The following PTPRO variants were observed in gnomAD, a reference collection of about 807,000 sequenced individuals.
PTPRO encodes the protein protein tyrosine phosphatase receptor type O.
PTPRO carries 62 observed loss-of-function variants against 145.2 expected under a neutral mutation model. The observed-to-expected ratio is 0.43, with a 90% confidence interval of 0.35 to 0.53. PTPRO has a LOEUF of 0.53. Ranked by LOEUF, PTPRO falls within the 20% of genes least tolerant of loss-of-function variation. The probability of loss-of-function intolerance (pLI) is 0.01; values close to 1 mark genes in which losing one functional copy is unlikely to be tolerated. For missense variants in PTPRO, 1,345 were observed against 1,482.7 expected (o/e 0.91, Z 1.53); for synonymous variants, 565 against 514.7 (o/e 1.10, Z -1.32).
chr12:15,400,946 A>C (rs904265060), intron 1 of PTPRO, among the ~76,000 whole-genome samples: 1 of 152,250 alleles, frequency 6.6e-6, no homozygotes, highest in African/African-American at 2.4e-5. Context: ...TAGCTTGGGT[A>C]ATGATAGGGA....
intron 1 of PTPRO, among the ~76,000 whole-genome samples, chr12:15,378,491 C>T (rs990567893): frequency 6.6e-6 from 1 of 151,874 alleles, no homozygotes; most frequent in African/African-American, 2.4e-5. Flanking sequence ...CCGAAGGTAA[C>T]TAAACAATAA....
chr12:15,497,262 A>G lies in PTPRO; in HGVS notation c.367A>G (p.Ser123Gly). The change falls in exon 3 of 27, where the codon AGT (serine) becomes GGT (glycine). Residue 123 changes from serine to glycine, a missense_variant. Transcript: ENST00000281171. ...TTCTGTAGAACCTCTACCTGTAACC[A>G]GTGTTTCCATATATGACTATAAACC... ...TVLTKPLPVT[S>G]VSIYDYKPSP... The G allele has an allele frequency of 6.3e-7, 1 of 1,574,990 alleles. No homozygotes were observed. Among genetic ancestry groups the G allele is most frequent in the Non-Finnish European group, 8.7e-7 (1 of 1,144,968 alleles).
chr12:15,505,634 A>G (rs1465119995), intron 6 of PTPRO, among the ~76,000 whole-genome samples: 1 of 152,178 alleles, frequency 6.6e-6, no homozygotes, highest in Admixed American at 6.6e-5. Flanking sequence ...CAGATGTACC[A>G]TGTATACTTC....
intron 10 of PTPRO, among the ~76,000 whole-genome samples, chr12:15,524,091 T>G (rs1187776216): frequency 1.3e-5 from 2 of 151,404 alleles, no homozygotes; most frequent in Non-Finnish European, 2.9e-5. Context: ...CTGCTTAAAT[T>G]TTTAAAAATT....
chr12:15,466,182 A>G (rs894554938), intron 1 of PTPRO, among the ~76,000 whole-genome samples: 1 of 152,164 alleles, frequency 6.6e-6, no homozygotes, highest in Non-Finnish European at 1.5e-5. Context: ...TGTTGTTTTC[A>G]TAATTCTATT....
intron 19 of PTPRO, among the ~76,000 whole-genome samples, chr12:15,570,539 T>C (rs1471570613): frequency 6.6e-6 from 1 of 152,186 alleles, no homozygotes; most frequent in Non-Finnish European, 1.5e-5. Context: ...AACTACCACC[T>C]GTGTCCTGAA....
chr12:15,516,484 AGAG>A (rs1942593889), intron 8 of PTPRO, among the ~76,000 whole-genome samples: 1 of 92,878 alleles, frequency 1.1e-5, no homozygotes, highest in African/African-American at 3.7e-5. Flanking sequence ...AGAAAAAGAG[AGAG>A]AAAGGAAAGA....
rs542836085 is a variant in PTPRO at position 15,558,924 on chromosome 12, G to T, written c.2628-1269G>T. ...TATTAAAAAACAACCCAACTGTGAAGAAAAAGAAATCCATCAACCCTTGAT... is the reference window on the plus strand; with the variant it reads ...TATTAAAAAACAACCCAACTGTGAATAAAAAGAAATCCATCAACCCTTGAT... On this transcript the variant is annotated intron_variant, in intron 16 of 26. Coordinates refer to ENST00000281171, the MANE Select transcript of PTPRO (RefSeq NM_030667.3). 9.3e-4 allele frequency among the ~76,000 whole-genome samples: 142 copies of T among 152,272 alleles called. No individual in the cohort carries two copies. The Middle Eastern group carries it at 0.027, about 29-fold the overall frequency.
At chr12:15,442,749 A>G (rs1185019792) in intron 1 of PTPRO, among the ~76,000 whole-genome samples, 2 of 152,042 alleles carry the variant, frequency 1.3e-5, no homozygotes, top group African/African-American at 4.8e-5. Flanking sequence ...TACAATAGCC[A>G]CACACACAAA....
chr12:15,505,903 T>C (rs1942311814), intron 6 of PTPRO, among the ~76,000 whole-genome samples: 1 of 152,210 alleles, frequency 6.6e-6, no homozygotes, highest in African/African-American at 2.4e-5. Flanking sequence ...GAGATGAGAA[T>C]TCAGGTAGGA....
At chr12:15,501,089 GT>G in intron 4 of PTPRO, among the ~76,000 whole-genome samples, 1 of 152,218 alleles carries the variant, frequency 6.6e-6, no homozygotes, top group Middle Eastern at 3.4e-3. Flanking sequence ...GAGTTTATAT[GT>G]TTCATTTTAG....
chr12:15,584,778 T>C (rs1361124754), intron 23 of PTPRO, among the ~76,000 whole-genome samples: 1 of 152,200 alleles, frequency 6.6e-6, no homozygotes, highest in East Asian at 1.9e-4. Flanking sequence ...CCATTCCATA[T>C]TGATATGTGG....
chr12:15,361,086 T>C (rs1240647160), intron 1 of PTPRO, among the ~76,000 whole-genome samples: 2 of 151,064 alleles, frequency 1.3e-5, no homozygotes, highest in Non-Finnish European at 3.0e-5. Flanking sequence ...CATATACCAG[T>C]ATAAGAGAAA....
At chr12:15,421,905 C>G (rs946646100) in intron 1 of PTPRO, among the ~76,000 whole-genome samples, 1 of 152,046 alleles carries the variant, frequency 6.6e-6, no homozygotes, top group Non-Finnish European at 1.5e-5. Context: ...ACAGGATTAG[C>G]ACCTATCTCA....
intron 9 of PTPRO, among the ~76,000 whole-genome samples, chr12:15,519,236 T>C (rs1215338406): frequency 6.6e-6 from 1 of 152,092 alleles, no homozygotes; most frequent in Non-Finnish European, 1.5e-5. Context: ...TTTCATGAGA[T>C]TTACTCACTA....
chr12:15,415,246 C>A (rs1445017398), intron 1 of PTPRO, among the ~76,000 whole-genome samples: 2 of 152,142 alleles, frequency 1.3e-5, no homozygotes, highest in East Asian at 3.8e-4. Context: ...AAAAGAAGCC[C>A]TAAACAGCCT....
chr12:15,514,607 G>C (rs1314800709), intron 7 of PTPRO, among the ~76,000 whole-genome samples: 1 of 151,918 alleles, frequency 6.6e-6, no homozygotes, highest in African/African-American at 2.4e-5. Flanking sequence ...CCATAGTGTA[G>C]ATTAAAGGTC....
chr12:15,446,439 T>C (rs1368665331), intron 1 of PTPRO, among the ~76,000 whole-genome samples: 1 of 152,048 alleles, frequency 6.6e-6, no homozygotes, highest in East Asian at 1.9e-4. Flanking sequence ...GCAACTAAAA[T>C]AATGGGAGAC....
chr12:15,396,537 A>T (rs539226136), intron 1 of PTPRO, among the ~76,000 whole-genome samples: 16 of 152,296 alleles, frequency 1.1e-4, no homozygotes, highest in South Asian at 1.0e-3. Flanking sequence ...TGAATCCAAA[A>T]TATTATTCTT....
Sources: allele counts gnomAD v4.1 joint callset (sites outside exome capture counted in the v4.1 genomes callset), GRCh38; gene constraint gnomAD v4.1.1; transcripts MANE v1.5; gene names NCBI Gene and HGNC (gene_info 2026-07-23, HGNC 2026-07-21).